Variants in DMXL1 observed in about 807,000 individuals in gnomAD.
DMXL1 encodes dmX-like protein 1.
Under a neutral mutation model 319.2 loss-of-function variants are expected in DMXL1, and 99 were observed. That is an observed-to-expected ratio of 0.31 (90% confidence interval 0.26 to 0.37). DMXL1 has a LOEUF of 0.37. Among genes scored for constraint, DMXL1 ranks in the 10% least tolerant of loss-of-function variants. DMXL1 has a pLI of 1.00. For synonymous variants in DMXL1, 1,385 were observed against 1,235.2 expected, an observed-to-expected ratio of 1.12 and a Z score of -2.54; for missense variants, 3,745 against 3,595.6, an observed-to-expected ratio of 1.04 and a Z score of -1.06.
intron 5 of DMXL1, among the ~76,000 whole-genome samples, chr5:119,112,916 A>T (rs143626356): frequency 1.3e-5 from 2 of 152,154 alleles, no homozygotes; most frequent in Non-Finnish European, 2.9e-5. Context: ...AGATCACACC[A>T]CTGCACTCCA....
At chr5:119,085,400 T>C (rs1753143172) in intron 1 of DMXL1, among the ~76,000 whole-genome samples, 1 of 151,886 alleles carries the variant, frequency 6.6e-6, no homozygotes, top group African/African-American at 2.4e-5. Context: ...TTTTTTCTGT[T>C]CTTCGTAGCT....
At position 119,149,071 on chromosome 5, in the gene DMXL1, G is replaced by C; in HGVS notation, c.3244G>C (p.Glu1082Gln). 6.2e-7 allele frequency: 1 copy of C among 1,613,856 alleles called. No individual in the cohort carries two copies. Among genetic ancestry groups the C allele is most frequent in the Non-Finnish European group, 8.5e-7 (1 of 1,179,862 alleles). ...QDFVMHVSIF[E>Q]CESTGGSCWV... ...CTTTGTGATGCATGTAAGTATTTTT[G>C]AATGTGAGTCAACAGGAGGTTCATG... The change falls in exon 18 of 44, where the codon GAA becomes CAA. Residue 1082 changes from glutamate (E) to glutamine (Q), a missense_variant. This residue lies in a region of DMXL1 where 2,096 missense variants were observed against 1,985.4 expected (regional missense o/e 1.06). Coordinates refer to ENST00000539542, the MANE Select transcript of DMXL1 (RefSeq NM_001290321.3).
chr5:119,193,291 G>A (rs1779017137), intron 29 of DMXL1, among the ~76,000 whole-genome samples: 1 of 152,030 alleles, frequency 6.6e-6, no homozygotes, highest in Non-Finnish European at 1.5e-5. Flanking sequence ...TAGCAGACTT[G>A]ATCAAACTAC....
intron 30 of DMXL1, among the ~76,000 whole-genome samples, chr5:119,195,459 A>G (rs1334572256): frequency 2.0e-5 from 3 of 152,260 alleles, no homozygotes; most frequent in South Asian, 4.1e-4. Flanking sequence ...ATATAATGCT[A>G]AGTGAAATAA....
chr5:119,119,030 C>T lies in DMXL1; in HGVS notation c.933+26C>T, dbSNP rs191440572. The T allele has an allele frequency of 1.4e-5, 22 of 1,540,596 alleles. No homozygotes were observed. The Admixed American group carries it at 3.4e-4, about 24-fold the overall frequency. On this transcript the variant is annotated intron_variant, in intron 8 of 43. Transcript: ENST00000539542. The stretch of plus-strand genomic sequence containing the variant: ...GTGAGTGTTTTTGTTACATTACTTA[C>T]TACAAGTTTTAAAACCTTTGGTACA...
chr5:119,219,915 A>G (rs1427927847), intron 35 of DMXL1, among the ~76,000 whole-genome samples: 1 of 151,818 alleles, frequency 6.6e-6, no homozygotes, highest in Non-Finnish European at 1.5e-5. Context: ...CATGTCATTT[A>G]ACCTTAGCAA....
intron 4 of DMXL1, among the ~76,000 whole-genome samples, chr5:119,109,132 GGTTTAATA>G (rs1759009482): frequency 6.6e-6 from 1 of 152,082 alleles, no homozygotes; most frequent in Non-Finnish European, 1.5e-5. Context: ...TAATTAACCA[GGTTTAATA>G]GTTTAATAGT....
Position 119,148,843 on chromosome 5 carries a change from G to A in DMXL1, c.3016G>A (p.Asp1006Asn). The A allele has an allele frequency of 5.0e-6, 8 of 1,613,754 alleles. No homozygotes were observed. Among genetic ancestry groups the A allele is most frequent in the Non-Finnish European group, 6.8e-6 (8 of 1,179,756 alleles). The change falls in exon 18 of 44, where the codon GAT becomes AAT. Residue 1006 changes from aspartate to asparagine, a missense_variant. Asp to Asn is a conservative substitution (Grantham distance 23). Transcript: ENST00000539542. ...AAGATTCTGGAGATGCAGAGTAACA[G>A]ATGGAGAATCTGCCACGTCAAAGAA... ...KVRFWRCRVTDGESATSKNGK... is the reference protein window; with the variant it reads ...KVRFWRCRVTNGESATSKNGK...
intron 1 of DMXL1, among the ~76,000 whole-genome samples, chr5:119,087,038 T>C (rs987485450): frequency 2.0e-5 from 3 of 152,122 alleles, no homozygotes; most frequent in Admixed American, 6.5e-5. Context: ...CTAGTTGTTT[T>C]GTCTTCTATT....
intron 19 of DMXL1, among the ~76,000 whole-genome samples, chr5:119,162,686 G>A (rs1322407810): frequency 6.6e-6 from 1 of 152,160 alleles, no homozygotes; most frequent in East Asian, 1.9e-4. Context: ...ATCATAGCAA[G>A]GAATGAAACC....
intron 13 of DMXL1, among the ~76,000 whole-genome samples, chr5:119,137,302 A>G (rs1266851723): frequency 6.6e-6 from 1 of 152,210 alleles, no homozygotes; most frequent in African/African-American, 2.4e-5. Flanking sequence ...CTGTGCTCGC[A>G]TTGTATCTTG....
intron 1 of DMXL1, among the ~76,000 whole-genome samples, chr5:119,082,766 T>C (rs1255831373): frequency 6.6e-6 from 1 of 152,252 alleles, no homozygotes; most frequent in African/African-American, 2.4e-5. Context: ...CAATAGATTA[T>C]TGTAAACTAC....
chr5:119,214,648 A>G (rs1783373144), intron 34 of DMXL1, among the ~76,000 whole-genome samples: 1 of 152,134 alleles, frequency 6.6e-6, no homozygotes, highest in African/African-American at 2.4e-5. Context: ...CTGATTATGT[A>G]TCTGACATGG....
At chr5:119,141,961 C>G (rs548206263) in intron 13 of DMXL1, among the ~76,000 whole-genome samples, 1 of 152,242 alleles carries the variant, frequency 6.6e-6, no homozygotes, top group South Asian at 2.1e-4. Context: ...TATAAGACCA[C>G]ACACCTACAA....
chr5:119,121,286 T>A (rs1761991027), intron 9 of DMXL1, 147 bp downstream of exon 9: 1 of 593,822 alleles, frequency 1.7e-6, no homozygotes, highest in Non-Finnish European at 2.6e-6. Context: ...TTTTTTTAAT[T>A]TATTATTTAT....
At chr5:119,246,727 G>A (rs541070608) in intron 43 of DMXL1, among the ~76,000 whole-genome samples, 3 of 150,378 alleles carry the variant, frequency 2.0e-5, no homozygotes, top group Admixed American at 1.3e-4. Context: ...TCCACCTCCC[G>A]GGTCGAAGCA....
Position 119,247,352 on chromosome 5 carries a change from C to T in DMXL1, c.*133C>T, listed in dbSNP as rs1789977352. ...TTTATATTTATTTTATGGAGCTTTG[C>T]CCTTGATGCACTGATGCCTTAAAAA... is the stretch of plus-strand genomic sequence containing the variant. On this transcript the variant is annotated 3_prime_UTR_variant, in exon 44 of 44. Transcript: ENST00000539542. 4 of 668,594 alleles carry T rather than the reference C, an allele frequency of 6.0e-6. No individual in the cohort carries two copies. Among genetic ancestry groups the T allele is most frequent in the South Asian group, 4.3e-5 (2 of 46,072 alleles). 41.4% of individuals were successfully genotyped at this position (668,594 alleles called of 1,614,324 possible). A position where few individuals can be genotyped will look rare whatever the true frequency, so the allele number is the denominator to read the frequency against.
chr5:119,155,192 A>T (rs1420142536), intron 19 of DMXL1, among the ~76,000 whole-genome samples: 2 of 152,238 alleles, frequency 1.3e-5, no homozygotes, highest in Admixed American at 1.3e-4. Context: ...CAGTCCATGA[A>T]TCAAAGAATG....
intron 30 of DMXL1, 38 bp from the exon 31 acceptor site, chr5:119,196,333 A>G (rs771584848): frequency 6.6e-7 from 1 of 1,505,982 alleles, no homozygotes; most frequent in Non-Finnish European, 9.2e-7. Flanking sequence ...AAATCCCTAT[A>G]GAAATAGTTA....
Sources: allele counts gnomAD v4.1 joint callset (sites outside exome capture counted in the v4.1 genomes callset), GRCh38; gene constraint gnomAD v4.1.1; regional missense constraint gnomAD v4.1.1; transcripts MANE v1.5; gene names NCBI Gene and HGNC (gene_info 2026-07-23, HGNC 2026-07-21).